Variants in ZC3HAV1 observed in about 807,000 individuals in gnomAD.
ZC3HAV1 encodes the protein zinc finger CCCH-type antiviral protein 1.
ZC3HAV1 carries 41 observed loss-of-function variants against 86.6 expected under a neutral mutation model. That is an observed-to-expected ratio of 0.47 (90% CI 0.37 to 0.61). The LOEUF (loss-of-function observed/expected upper bound fraction) is 0.61, where lower values mean the gene tolerates loss of function less well. Among genes scored for constraint, ZC3HAV1 ranks in the 20% least tolerant of loss-of-function variants. ZC3HAV1 has a pLI of 0.00. For synonymous variants in ZC3HAV1, 421 were observed against 432.1 expected, an observed-to-expected ratio of 0.97 and a Z score of 0.32; for missense variants, 964 against 1,141.1, an observed-to-expected ratio of 0.84 and a Z score of 2.24.
intron 9 of ZC3HAV1, among the ~76,000 whole-genome samples, chr7:139,058,161 C>A (rs1816341172): frequency 7.6e-6 from 1 of 130,816 alleles, no homozygotes; most frequent in Non-Finnish European, 1.6e-5. Context: ...CACCCCCCAC[C>A]CTCCCCCACT....
chr7:139,080,372 G>A (rs1432911886), intron 3 of ZC3HAV1, 129 bp from the exon 4 acceptor site: 22 of 1,110,240 alleles, frequency 2.0e-5, no homozygotes, highest in East Asian at 1.2e-4. Context: ...ATTACTTGGC[G>A]TAATCTGATG....
Position 139,079,485 on chromosome 7 carries a change from C to T in ZC3HAV1, c.1456G>A (p.Val486Ile). The T allele has an allele frequency of 1.9e-6, 3 of 1,614,138 alleles. No homozygotes were observed. The highest frequency in any genetic ancestry group is 2.5e-6 in the Non-Finnish European group (3 of 1,180,002). ...TTGTATTTACCGTTAACAAGTGCTA[C>T]TCTTGGGTCAGCATCATCTGCGATT... is the stretch of plus-strand genomic sequence containing the variant. Reference protein sequence around the residue: ...GRIADDADPRVALVNDSLSDV... With the variant: ...GRIADDADPRIALVNDSLSDV... Residue 486 changes from valine (V) to isoleucine (I), a missense_variant, in exon 4 of 13, where the codon GTA becomes ATA. By Grantham distance (29) the Val-to-Ile change is conservative. Transcript: ENST00000242351.
At chr7:139,061,493 C>T (rs954504919) in intron 8 of ZC3HAV1, among the ~76,000 whole-genome samples, 7 of 152,210 alleles carry the variant, frequency 4.6e-5, no homozygotes, top group Non-Finnish European at 8.8e-5. Context: ...AATCTGGTAG[C>T]TGTCTTGAAG....
At position 139,109,452 on chromosome 7, in the gene ZC3HAV1, G is replaced by T; in HGVS notation, c.-121C>A. The T allele has an allele frequency of 8.0e-7, 1 of 1,251,358 alleles. No homozygotes were observed. 77.5% of individuals were successfully genotyped at this position (1,251,358 alleles called of 1,614,324 possible). On this transcript the variant is annotated 5_prime_UTR_variant, in exon 1 of 13. Coordinates refer to ENST00000242351, the MANE Select transcript of ZC3HAV1 (RefSeq NM_020119.4). The stretch of plus-strand genomic sequence containing the variant: ...GGTGCTACTGCTGGGCGCGCCCGGA[G>T]TCAGCGAGGGCGCGCTCTCCGTCGC...
At chr7:139,093,623 C>T (rs1404564284) in intron 1 of ZC3HAV1, among the ~76,000 whole-genome samples, 1 of 152,206 alleles carries the variant, frequency 6.6e-6, no homozygotes, top group Non-Finnish European at 1.5e-5. Flanking sequence ...GTGTCCCCGG[C>T]CCCTGCCCGC....
rs969451406 is a variant in ZC3HAV1 at position 139,108,097 on chromosome 7, G to A, written c.308+927C>T. 6.6e-6 allele frequency among the ~76,000 whole-genome samples: 1 copy of A among 152,122 alleles called. No individual in the cohort carries two copies. The highest frequency in any genetic ancestry group is 1.5e-5 in the Non-Finnish European group (1 of 68,030). On this transcript the variant is annotated intron_variant, in intron 1 of 12. Transcript: ENST00000242351. The surrounding 1 kb of genome is among the most constrained non-coding windows in gnomAD (Gnocchi z 4.2). ...TTGACTCCATGGACAGGACACACGC[G>A]GGAGAGGAAGGGCTTGGGATCAAGG... is the stretch of plus-strand genomic sequence containing the variant.
At chr7:139,073,533 C>T (rs1816842486) in intron 7 of ZC3HAV1, among the ~76,000 whole-genome samples, 2 of 152,064 alleles carry the variant, frequency 1.3e-5, no homozygotes, top group South Asian at 4.1e-4. Context: ...ATCCATCCCC[C>T]AGGCTGGAAT....
chr7:139,102,329 T>G (rs1291479873), intron 1 of ZC3HAV1, among the ~76,000 whole-genome samples: 1 of 152,072 alleles, frequency 6.6e-6, no homozygotes, highest in African/African-American at 2.4e-5. Context: ...TTGTAGGAGC[T>G]ATGTTGCCCG....
chr7:139,097,744 A>G (rs1192728294), intron 1 of ZC3HAV1, among the ~76,000 whole-genome samples: 1 of 151,212 alleles, frequency 6.6e-6, no homozygotes, highest in African/African-American at 2.4e-5. Flanking sequence ...GGAACTCCTT[A>G]TATTTCTTAA....
chr7:139,058,259 C>T (rs558200697), intron 9 of ZC3HAV1, among the ~76,000 whole-genome samples: 2 of 150,260 alleles, frequency 1.3e-5, no homozygotes, highest in Admixed American at 1.3e-4. Flanking sequence ...TCCAAGACAG[C>T]CTGGGCAACC....
chr7:139,063,382 T>C (rs750772848), intron 8 of ZC3HAV1, among the ~76,000 whole-genome samples: 5 of 152,204 alleles, frequency 3.3e-5, no homozygotes, highest in Non-Finnish European at 7.3e-5. Context: ...TTTGTGTTTT[T>C]TTTAACTTTC....
In ZC3HAV1 at chr7:139,043,543, A is replaced by T. The variant is rs1815877587; in HGVS notation, c.*4051T>A. 6.6e-6 allele frequency: 1 copy of T among 152,242 alleles called. No homozygotes were observed. Among genetic ancestry groups the T allele is most frequent in the Admixed American group, 6.5e-5 (1 of 15,290 alleles). The allele number at this position is 152,242 out of a possible 1,614,324, so 9.4% of individuals were successfully genotyped here. A position where few individuals can be genotyped will look rare whatever the true frequency, so the allele number is the denominator to read the frequency against. On this transcript the variant is annotated 3_prime_UTR_variant, in exon 13 of 13. Coordinates refer to ENST00000242351, the MANE Select transcript of ZC3HAV1 (RefSeq NM_020119.4). Reference sequence around the variant, plus strand: ...AATTAATTACTTCTTTTTATTAGACAGTTCAAATTAAGCTTGAAGAACAGG... The same window carrying T: ...AATTAATTACTTCTTTTTATTAGACTGTTCAAATTAAGCTTGAAGAACAGG...
chr7:139,068,902 T>A (rs1053333886), intron 7 of ZC3HAV1, among the ~76,000 whole-genome samples: 1 of 152,206 alleles, frequency 6.6e-6, no homozygotes, highest in Non-Finnish European at 1.5e-5. Context: ...AGCATGCCCA[T>A]GTCATGCGTA....
At chr7:139,095,101 A>G (rs1817545882) in intron 1 of ZC3HAV1, among the ~76,000 whole-genome samples, 1 of 151,916 alleles carries the variant, frequency 6.6e-6, no homozygotes, top group Admixed American at 6.6e-5. Context: ...TGATTTGTAT[A>G]GAAAACAGGA....
chr7:139,089,686 C>T lies in ZC3HAV1; in HGVS notation c.382G>A (p.Gly128Arg), dbSNP rs1475588108. The change falls in exon 2 of 13, where the codon GGA becomes AGA. Residue 128 changes from glycine to arginine, a missense_variant. Transcript: ENST00000242351. Reference sequence around the variant, plus strand: ...ACTGCTAATTCCTCTTTGTTCAGTCCAGAGAGTTCGTGATTTTTCAGGACT... The same window carrying T: ...ACTGCTAATTCCTCTTTGTTCAGTCTAGAGAGTTCGTGATTTTTCAGGACT... The part of the protein sequence containing the change: ...FKVLKNHELS[G>R]LNKEELAVLL... The T allele has an allele frequency of 1.2e-6, 2 of 1,613,030 alleles. No homozygotes were observed.
intron 4 of ZC3HAV1, 66 bp downstream of exon 4, chr7:139,079,404 G>A: frequency 6.2e-7 from 1 of 1,612,606 alleles, no homozygotes; most frequent in Non-Finnish European, 8.5e-7. Flanking sequence ...TCCACTACTT[G>A]ACTAGAGCCA....
At position 139,101,257 on chromosome 7, in the gene ZC3HAV1, G is replaced by A. The variant is rs532922825; in HGVS notation, c.308+7767C>T. 1.6e-3 allele frequency among the ~76,000 whole-genome samples: 239 copies of A among 151,574 alleles called. 1 individual carries two copies. Among genetic ancestry groups the A allele is most frequent in the African/African-American group, 5.5e-3 (226 of 41,298 alleles). On this transcript the variant is annotated intron_variant, in intron 1 of 12. Transcript: ENST00000242351. ...GTGCCGAGATCGCAGCCTCTGCCCT[G>A]CCGCCACCCCGTCTGGGAAGTGAGG...
intron 9 of ZC3HAV1, among the ~76,000 whole-genome samples, chr7:139,059,366 C>T (rs1410884571): frequency 6.6e-6 from 1 of 152,184 alleles, no homozygotes; most frequent in East Asian, 1.9e-4. Flanking sequence ...CCTGTCATCC[C>T]AGCACTTTGG....
intron 5 of ZC3HAV1, among the ~76,000 whole-genome samples, chr7:139,076,991 C>G (rs1456806327): frequency 7.1e-6 from 1 of 141,492 alleles, no homozygotes; most frequent in Non-Finnish European, 1.5e-5. Flanking sequence ...ATTTAGTTAC[C>G]CTTTCTGCAC....
Sources: allele counts gnomAD v4.1 joint callset (sites outside exome capture counted in the v4.1 genomes callset), GRCh38; gene constraint gnomAD v4.1.1; non-coding constraint Gnocchi (gnomAD v3.1); transcripts MANE v1.5; gene names NCBI Gene and HGNC (gene_info 2026-07-23, HGNC 2026-07-21).